CNST: variants seen among roughly 807,000 people sequenced by gnomAD.
CNST encodes consortin, connexin sorting protein.
In CNST, 39 loss-of-function variants were observed where a neutral mutation model predicts 72.4. The observed-to-expected ratio is 0.54, with a 90% confidence interval of 0.42 to 0.70. The LOEUF (loss-of-function observed/expected upper bound fraction) is 0.70, where lower values mean the gene tolerates loss of function less well. Among genes scored for constraint, CNST ranks in the 30% least tolerant of loss-of-function variants. CNST has a pLI of 0.00. For synonymous variants in CNST, 332 were observed against 320.1 expected, an observed-to-expected ratio of 1.04 and a Z score of -0.40; for missense variants, 871 against 868.5, an observed-to-expected ratio of 1.00 and a Z score of -0.04.
intron 9 of CNST, among the ~76,000 whole-genome samples, chr1:246,652,953 G>C (rs565638268): frequency 2.0e-5 from 3 of 150,882 alleles, no homozygotes; most frequent in Non-Finnish European, 4.4e-5. Flanking sequence ...GCAGTGAGCC[G>C]AGATTGCACC....
rs370134692 is a variant in CNST at position 246,659,508 on chromosome 1, C to T, written c.1837-691C>T. ...TACCCCGGAGGCTGAGGCAGGAGAA[C>T]GGCATGAACCCGGGAGGCGGAGATT... On this transcript the variant is annotated intron_variant, in intron 9 of 10. Coordinates refer to ENST00000366513, the MANE Select transcript of CNST (RefSeq NM_152609.3). Among the ~76,000 whole-genome samples the T allele has an allele frequency of 1.3e-3, 192 of 151,774 alleles. 1 individual carries two copies. Among genetic ancestry groups the T allele is most frequent in the African/African-American group, 2.4e-3 (101 of 41,382 alleles).
At chr1:246,631,801 C>T in intron 3 of CNST, 93 bp from the exon 4 acceptor site, 1 of 841,840 alleles carries the variant, frequency 1.2e-6, no homozygotes, top group Admixed American at 2.2e-5. Flanking sequence ...ATATCAAAAA[C>T]ATTTGGAATT....
chr1:246,637,538 T>C (rs1572218101), intron 6 of CNST, among the ~76,000 whole-genome samples: 2 of 151,560 alleles, frequency 1.3e-5, no homozygotes, highest in East Asian at 3.9e-4. Context: ...AAAAAGAGGG[T>C]GCTTTTGGTG....
intron 9 of CNST, among the ~76,000 whole-genome samples, chr1:246,652,883 A>G (rs1204023929): frequency 1.3e-5 from 2 of 151,256 alleles, no homozygotes; most frequent in East Asian, 1.9e-4. Flanking sequence ...GGGCGCCTGT[A>G]GTCCCAGCTA....
At chr1:246,617,760 A>G (rs1663800332) in intron 2 of CNST, among the ~76,000 whole-genome samples, 2 of 152,234 alleles carry the variant, frequency 1.3e-5, no homozygotes, top group Non-Finnish European at 2.9e-5. Flanking sequence ...TAAGAACACC[A>G]TATTTTAAGT....
rs367546212 is a variant in CNST, at chr1:246,647,657, C to T, written c.1456C>T (p.Gln486Ter). ...GAACAATGAATTAAATGAGCTGCAG[C>T]AGCCTGATCTTACAGACAGTGATGG... ...LENNELNELQ[Q>*]PDLTDSDGKS... The change falls in exon 9 of 11, where the codon CAG becomes TAG. Residue 486 changes from glutamine to a stop codon, truncating the protein, a stop_gained. Transcript: ENST00000366513. LOFTEE classifies it high-confidence loss of function. 2.5e-6 allele frequency: 4 copies of T among 1,614,094 alleles called. No individual in the cohort carries two copies. The African/African-American group carries it at 5.3e-5, about 22-fold the overall frequency.
intron 2 of CNST, among the ~76,000 whole-genome samples, chr1:246,616,389 C>A (rs892276175): frequency 4.6e-5 from 7 of 151,866 alleles, no homozygotes; most frequent in Non-Finnish European, 4.4e-5. Context: ...CCCCCACTGC[C>A]CCCCCAGAAA....
chr1:246,639,358 G>A (rs1665529286), intron 6 of CNST, among the ~76,000 whole-genome samples: 2 of 152,084 alleles, frequency 1.3e-5, no homozygotes, highest in African/African-American at 4.8e-5. Context: ...TAGAGCAAAG[G>A]AAGGAACCCA....
chr1:246,578,972 T>G (rs553738002), intron 1 of CNST, among the ~76,000 whole-genome samples: 264 of 152,334 alleles, frequency 1.7e-3, no homozygotes, highest in South Asian at 6.2e-3. Flanking sequence ...CTAATAGGAC[T>G]GTTGTGAGGA....
chr1:246,640,728 A>G (rs1057219581), intron 6 of CNST, among the ~76,000 whole-genome samples: 1 of 152,248 alleles, frequency 6.6e-6, no homozygotes, highest in Non-Finnish European at 1.5e-5. Context: ...TACAGCAGAT[A>G]AAGAACTCAC....
intron 3 of CNST, among the ~76,000 whole-genome samples, chr1:246,626,210 C>T (rs1057003509): frequency 6.6e-6 from 1 of 151,930 alleles, no homozygotes. Flanking sequence ...CCACCGTGCC[C>T]AGCTAATTTT....
chr1:246,590,756 T>C (rs1661494963), intron 1 of CNST, among the ~76,000 whole-genome samples: 1 of 152,040 alleles, frequency 6.6e-6, no homozygotes, highest in Non-Finnish European at 1.5e-5. Context: ...ATAAAGGGCT[T>C]GCAGTCTGTT....
rs1284246824 is a variant in CNST at position 246,631,917 on chromosome 1, G to A, written c.609G>A (p.Glu203=). The A allele has an allele frequency of 6.5e-7, 1 of 1,548,328 alleles. No individual in the cohort carries two copies. Among genetic ancestry groups the A allele is most frequent in the Admixed American group, 1.8e-5 (1 of 54,154 alleles). ...LHQIAESYFQ[E]EDYEKAMKFI... is the part of the protein sequence containing the mutation. The stretch of plus-strand genomic sequence containing the variant: ...AGATAGCAGAATCCTATTTCCAGGA[G>A]GAGGACTGTATCCTTTTCTTAATTA... The change falls in exon 4 of 11, where the codon GAG becomes GAA. Residue 203 remains glutamate, a synonymous_variant. Coordinates refer to ENST00000366513, the MANE Select transcript of CNST (RefSeq NM_152609.3).
chr1:246,666,413 T>C lies in CNST; in HGVS notation c.*508T>C, dbSNP rs1301106199. The stretch of plus-strand genomic sequence containing the variant: ...GCTTTGCGTATTATTTCACTTCTGT[T>C]CTCCACTTATGAAGTGATTGTGTGT... On this transcript the variant is annotated 3_prime_UTR_variant, in exon 11 of 11. Coordinates refer to ENST00000366513, the MANE Select transcript of CNST (RefSeq NM_152609.3). 1 of 153,270 alleles carries C rather than the reference T, an allele frequency of 6.5e-6. No homozygotes were observed. Among genetic ancestry groups the C allele is most frequent in the Non-Finnish European group, 1.5e-5 (1 of 68,510 alleles). 9.5% of individuals were successfully genotyped at this position (153,270 alleles called of 1,614,324 possible).
At chr1:246,649,025 A>G (rs1173068912) in intron 9 of CNST, among the ~76,000 whole-genome samples, 1 of 152,238 alleles carries the variant, frequency 6.6e-6, no homozygotes, top group East Asian at 1.9e-4. Flanking sequence ...CTCTATAAAC[A>G]ATGACTTTTC....
chr1:246,623,714 A>G (rs1008486064), intron 3 of CNST, among the ~76,000 whole-genome samples: 2 of 151,862 alleles, frequency 1.3e-5, no homozygotes, highest in African/African-American at 4.8e-5. Flanking sequence ...GTGGGCGGAG[A>G]TCGCACCACT....
chr1:246,660,064 T>A (rs1667002792), intron 9 of CNST, 135 bp from the exon 10 acceptor site: 2 of 671,218 alleles, frequency 3.0e-6, no homozygotes, highest in Non-Finnish European at 4.9e-6. Context: ...TAGATTTTGA[T>A]GTTATTTTTT....
chr1:246,634,087 C>G, intron 5 of CNST, 77 bp downstream of exon 5: 1 of 944,466 alleles, frequency 1.1e-6, no homozygotes, highest in Non-Finnish European at 1.7e-6. Flanking sequence ...ACATATTTGA[C>G]CTGGTTTTAT....
intron 2 of CNST, among the ~76,000 whole-genome samples, chr1:246,609,304 G>C (rs953780916): frequency 1.3e-5 from 2 of 152,216 alleles, no homozygotes; most frequent in African/African-American, 4.8e-5. Context: ...GGCCAGGCAC[G>C]GCAGCTCACG....
Sources: allele counts gnomAD v4.1 joint callset (sites outside exome capture counted in the v4.1 genomes callset), GRCh38; gene constraint gnomAD v4.1.1; transcripts MANE v1.5; gene names NCBI Gene and HGNC (gene_info 2026-07-23, HGNC 2026-07-21).